The following WWOX variants were observed in gnomAD, a reference collection of about 807,000 sequenced individuals.
WWOX encodes the protein WW domain-containing oxidoreductase.
Under a neutral mutation model 46.2 loss-of-function variants are expected in WWOX, and 69 were observed. The ratio of observed to expected loss-of-function variants is 1.49; its 90% confidence interval spans 1.23 to 1.82. WWOX has a LOEUF of 1.82. Ranked by LOEUF, WWOX falls within the 40% of genes most tolerant of loss-of-function variation. The probability of loss-of-function intolerance (pLI) is 0.00; values close to 1 mark genes in which losing one functional copy is unlikely to be tolerated. For missense variants in WWOX, 919 were observed against 542.6 expected (o/e 1.69, Z -6.89); for synonymous variants, 359 against 202.6 (o/e 1.77, Z -6.56).
intron 8 of WWOX, among the ~76,000 whole-genome samples, chr16:78,838,464 A>G (rs1270337475): frequency 3.3e-5 from 5 of 152,340 alleles, no homozygotes; most frequent in East Asian, 1.9e-4. Flanking sequence ...ATGTACTATA[A>G]AAGAGTGAAA....
chr16:78,534,189 T>C (rs76308676), intron 8 of WWOX, among the ~76,000 whole-genome samples: 2,168 of 152,328 alleles, frequency 0.014, 23 homozygotes, highest in African/African-American at 0.027. Flanking sequence ...CATCTGTGGA[T>C]AGGAGGCTTA....
intron 8 of WWOX, among the ~76,000 whole-genome samples, chr16:79,021,031 G>T (rs982935776): frequency 3.2e-4 from 48 of 152,138 alleles, no homozygotes; most frequent in African/African-American, 1.1e-3. Context: ...GGATACACAA[G>T]CTTCAAAAAG....
At chr16:79,204,468 G>C (rs1361905958) in intron 8 of WWOX, 3 of 152,076 alleles carry the variant, frequency 2.0e-5, no homozygotes. Flanking sequence ...AATAATAGCA[G>C]GTCTCAGAAA....
chr16:78,721,391 G>C (rs1271793096), intron 8 of WWOX, among the ~76,000 whole-genome samples: 1 of 152,074 alleles, frequency 6.6e-6, no homozygotes, highest in African/African-American at 2.4e-5. Flanking sequence ...TCTGTGTAGT[G>C]ACAACAATTA....
At chr16:78,696,684 T>G (rs1389770552) in intron 8 of WWOX, among the ~76,000 whole-genome samples, 1 of 150,876 alleles carries the variant, frequency 6.6e-6, no homozygotes, top group Non-Finnish European at 1.5e-5. Flanking sequence ...TCCACCTGTT[T>G]TGGGGGGGGT....
intron 8 of WWOX, chr16:78,996,284 C>G (rs766760633): frequency 1.0e-6 from 1 of 984,884 alleles, no homozygotes; most frequent in Non-Finnish European, 1.2e-6. Context: ...TGGGTGCTCC[C>G]TGGAAGATGG....
At chr16:78,906,846 G>C (rs1011339293) in intron 8 of WWOX, among the ~76,000 whole-genome samples, 2 of 152,210 alleles carry the variant, frequency 1.3e-5, no homozygotes, top group African/African-American at 4.8e-5. Flanking sequence ...GGTGAAGTTA[G>C]GAATAATATG....
intron 1 of WWOX, among the ~76,000 whole-genome samples, chr16:78,106,007 G>A (rs2032116890): frequency 6.6e-6 from 1 of 152,084 alleles, no homozygotes; most frequent in African/African-American, 2.4e-5. Flanking sequence ...TTGCCATGTT[G>A]CCTAGGCTGG....
chr16:79,072,810 G>A (rs990730493), intron 8 of WWOX, among the ~76,000 whole-genome samples: 2 of 152,122 alleles, frequency 1.3e-5, no homozygotes, highest in Non-Finnish European at 2.9e-5. Flanking sequence ...TAAATGCTTG[G>A]TCTTTGATTT....
chr16:78,393,330 A>G (rs2082215304), intron 6 of WWOX, among the ~76,000 whole-genome samples: 1 of 152,198 alleles, frequency 6.6e-6, no homozygotes, highest in South Asian at 2.1e-4. Flanking sequence ...CAGCTCCTAG[A>G]GAGAGGTGCT....
At chr16:78,440,219 T>C (rs1461752891) in intron 8 of WWOX, among the ~76,000 whole-genome samples, 1 of 152,182 alleles carries the variant, frequency 6.6e-6, no homozygotes, top group Admixed American at 6.5e-5. Context: ...TATAGGATCG[T>C]TGTGAGAAGA....
chr16:78,683,345 C>T (rs1270960561), intron 8 of WWOX, among the ~76,000 whole-genome samples: 1 of 151,270 alleles, frequency 6.6e-6, no homozygotes, highest in East Asian at 2.0e-4. Context: ...GGAGACCAGC[C>T]TGGGCAACAA....
chr16:78,772,197 C>T (rs190195050), intron 8 of WWOX, among the ~76,000 whole-genome samples: 1 of 152,178 alleles, frequency 6.6e-6, no homozygotes, highest in Admixed American at 6.5e-5. Context: ...TCCTCTCTCC[C>T]TCTACCCTCA....
chr16:78,250,973 G>C (rs920183348), intron 5 of WWOX, among the ~76,000 whole-genome samples: 5 of 152,132 alleles, frequency 3.3e-5, no homozygotes, highest in African/African-American at 4.8e-5. Flanking sequence ...TTATATATAA[G>C]GGACAAATCT....
Position 79,211,875 on chromosome 16 carries a change from C to T in WWOX, c.*79C>T, listed in dbSNP as rs2051769692. On this transcript the variant is annotated 3_prime_UTR_variant, in exon 9 of 9. Coordinates refer to ENST00000566780, the MANE Select transcript of WWOX (RefSeq NM_016373.4). ...GCAAGTGCCAGGGCTGGGCCCCTTC[C>T]AAATGTCCCTCCAACACAGATCCGC... The T allele has an allele frequency of 1.3e-6, 2 of 1,590,998 alleles. No individual in the cohort carries two copies. The highest frequency in any genetic ancestry group is 1.8e-5 in the Admixed American group (1 of 56,246).
intron 8 of WWOX, among the ~76,000 whole-genome samples, chr16:78,482,918 T>C (rs899514934): frequency 1.1e-4 from 16 of 152,118 alleles, no homozygotes; most frequent in Admixed American, 8.5e-4. Flanking sequence ...AAAGAAACAG[T>C]CATTCATATC....
At chr16:78,897,780 C>T (rs931420365) in intron 8 of WWOX, 1 of 152,028 alleles carries the variant, frequency 6.6e-6, no homozygotes, top group Admixed American at 6.5e-5. Flanking sequence ...CATTTTAACC[C>T]CCCGCTAGAA....
chr16:78,404,122 G>A (rs1014904591), intron 6 of WWOX, among the ~76,000 whole-genome samples: 19 of 152,134 alleles, frequency 1.2e-4, no homozygotes, highest in Non-Finnish European at 1.8e-4. Flanking sequence ...CTTAAATTAA[G>A]CAAATGGTAC....
At chr16:78,387,303 G>A (rs1019239761) in intron 6 of WWOX, among the ~76,000 whole-genome samples, 1 of 152,106 alleles carries the variant, frequency 6.6e-6, no homozygotes, top group Non-Finnish European at 1.5e-5. Flanking sequence ...ATTGCATTCA[G>A]GAACAAGTAA....
Sources: allele counts gnomAD v4.1 joint callset (sites outside exome capture counted in the v4.1 genomes callset), GRCh38; gene constraint gnomAD v4.1.1; transcripts MANE v1.5; gene names NCBI Gene and HGNC (gene_info 2026-07-23, HGNC 2026-07-21).